Variants in TMTC4 observed in about 807,000 individuals in gnomAD.
TMTC4 encodes protein O-mannosyl-transferase TMTC4.
Under a neutral mutation model 86.0 loss-of-function variants are expected in TMTC4, and 65 were observed. The observed-to-expected ratio is 0.76, with a 90% confidence interval of 0.62 to 0.93. TMTC4 has a LOEUF of 0.93. TMTC4 is among the 40% of genes least tolerant of loss of function. The pLI is 0.00. For missense variants in TMTC4, 866 were observed against 948.1 expected (o/e 0.91, Z 1.14); for synonymous variants, 379 against 382.5 (o/e 0.99, Z 0.11).
intron 1 of TMTC4, chr13:100,674,380 C>T: frequency 1.0e-6 from 1 of 968,046 alleles, no homozygotes; most frequent in Non-Finnish European, 1.2e-6. Flanking sequence ...GGGGACGCGC[C>T]GCAGGCGCCG....
intron 15 of TMTC4, among the ~76,000 whole-genome samples, chr13:100,620,218 C>T (rs1879263574): frequency 6.6e-6 from 1 of 152,192 alleles, no homozygotes; most frequent in Non-Finnish European, 1.5e-5. Context: ...ATTTCCCAGG[C>T]TTCTTCACCC....
chr13:100,655,894 T>C (rs946840), intron 6 of TMTC4, among the ~76,000 whole-genome samples: 108,370 of 152,086 alleles, frequency 0.71, 39,643 homozygotes, highest in East Asian at 0.98. Flanking sequence ...TTAGGGCAGT[T>C]GCAGGTGCTC....
At chr13:100,666,026 T>C (rs1418284443) in intron 3 of TMTC4, 1 of 456,568 alleles carries the variant, frequency 2.2e-6, no homozygotes, top group Non-Finnish European at 4.4e-6. Context: ...CGGCAGAGGA[T>C]CTTTTCCTCC....
chr13:100,665,350 T>C (rs530755245), intron 3 of TMTC4, among the ~76,000 whole-genome samples: 6 of 152,346 alleles, frequency 3.9e-5, no homozygotes, highest in African/African-American at 1.4e-4. Flanking sequence ...AACATGCTGA[T>C]CACTTCCCCG....
At chr13:100,669,915 C>A (rs1311620553) in intron 2 of TMTC4, among the ~76,000 whole-genome samples, 1 of 152,120 alleles carries the variant, frequency 6.6e-6, no homozygotes. Flanking sequence ...GTTTCCTCAA[C>A]ACTAAAATGG....
chr13:100,636,546 G>T lies in TMTC4; in HGVS notation c.1188C>A (p.Asp396Glu). The part of the protein sequence containing the change: ...GLICQALCSE[D>E]GHKRRILTLG... ...CTGCCTCTTACCTTCTCTTGTGGCCGTCTTCAGAGCACAGGGCTTGGCATA... is the reference window on the plus strand; with the variant it reads ...CTGCCTCTTACCTTCTCTTGTGGCCTTCTTCAGAGCACAGGGCTTGGCATA... The change falls in exon 10 of 19, where the codon GAC (aspartate) becomes GAA (glutamate). Residue 396 changes from aspartate to glutamate, a missense_variant. Coordinates refer to ENST00000342624, the MANE Select transcript of TMTC4 (RefSeq NM_032813.5). The T allele has an allele frequency of 6.2e-7, 1 of 1,614,190 alleles. No individual in the cohort carries two copies.
intron 3 of TMTC4, chr13:100,666,099 C>T (rs573371776): frequency 4.4e-6 from 2 of 455,800 alleles, no homozygotes; most frequent in African/African-American, 4.0e-5. Flanking sequence ...GCCTCCACAG[C>T]AGGGTGTGCT....
At chr13:100,674,466 A>C (rs1337434575) in intron 1 of TMTC4, 7 of 910,560 alleles carry the variant, frequency 7.7e-6, no homozygotes, top group South Asian at 5.1e-5. Context: ...GCCCGGGCGG[A>C]GAAGCTCAGG....
At chr13:100,650,677 G>A (rs1026495312) in intron 6 of TMTC4, among the ~76,000 whole-genome samples, 4 of 152,208 alleles carry the variant, frequency 2.6e-5, no homozygotes, top group African/African-American at 9.7e-5. Flanking sequence ...AGGCTTGCTG[G>A]TCTAAAACAC....
At position 100,674,778 on chromosome 13, in the gene TMTC4, C is replaced by A; in HGVS notation, c.-242G>T. 3 of 983,906 alleles carry A rather than the reference C, an allele frequency of 3.0e-6. No homozygotes were observed. Among genetic ancestry groups the A allele is most frequent in the Middle Eastern group, 5.2e-4 (1 of 1,912 alleles). The allele number at this position is 983,906 out of a possible 1,614,324, so 60.9% of individuals were successfully genotyped here. On this transcript the variant is annotated 5_prime_UTR_variant, in exon 1 of 19. Coordinates refer to ENST00000342624, the MANE Select transcript of TMTC4 (RefSeq NM_032813.5). ...GCCTGAGCCCCGGCCGCATCTCCCT[C>A]CCGGGTGCGGAAACTCTGGCGGCTC...
intron 1 of TMTC4, chr13:100,673,265 G>C: frequency 1.0e-6 from 1 of 976,924 alleles, no homozygotes. Context: ...CCCAATGACA[G>C]CTGACACGGC....
chr13:100,631,504 G>A (rs978164170), intron 12 of TMTC4, among the ~76,000 whole-genome samples: 32 of 152,118 alleles, frequency 2.1e-4, no homozygotes, highest in African/African-American at 7.5e-4. Context: ...AGTATACTTG[G>A]TATCTCATCC....
chr13:100,651,914 T>TA (rs1470233224), intron 6 of TMTC4, among the ~76,000 whole-genome samples: 2 of 152,260 alleles, frequency 1.3e-5, no homozygotes, highest in East Asian at 3.9e-4. Context: ...ACCGAAGAGT[T>TA]AGTTTTTATT....
chr13:100,651,654 T>C (rs2138969752), intron 6 of TMTC4, among the ~76,000 whole-genome samples: 1 of 152,176 alleles, frequency 6.6e-6, no homozygotes, highest in East Asian at 1.9e-4. Flanking sequence ...GTCCCATCCA[T>C]AAAAAAAGTT....
intron 2 of TMTC4, among the ~76,000 whole-genome samples, chr13:100,669,920 A>C (rs1351582099): frequency 1.3e-5 from 2 of 152,082 alleles, no homozygotes; most frequent in African/African-American, 4.8e-5. Flanking sequence ...CTCAACACTA[A>C]AATGGGGATG....
At chr13:100,661,270 C>T (rs1031318306) in intron 5 of TMTC4, among the ~76,000 whole-genome samples, 4 of 152,006 alleles carry the variant, frequency 2.6e-5, no homozygotes, top group South Asian at 2.1e-4. Context: ...CTGGAATGTG[C>T]GTGTGTGTGA....
At position 100,663,143 on chromosome 13, in the gene TMTC4, C is replaced by A; in HGVS notation, c.373G>T (p.Gly125Cys). The change falls in exon 5 of 19, where the codon GGC (glycine) becomes TGC (cysteine). Residue 125 changes from glycine (G) to cysteine (C), a missense_variant. Coordinates refer to ENST00000342624, the MANE Select transcript of TMTC4 (RefSeq NM_032813.5). ...AGGAGGATGTTGACCACGTGAAAGC[C>A]CACGGGGTGGAAGCCTCCCGAGAGG... ...YYLSGGFHPV[G>C]FHVVNILLHS... 1 of 1,614,184 alleles carries A rather than the reference C, an allele frequency of 6.2e-7. No homozygotes were observed. Among genetic ancestry groups the A allele is most frequent in the Non-Finnish European group, 8.5e-7 (1 of 1,180,044 alleles).
chr13:100,656,418 C>CAAG lies in TMTC4; in HGVS notation c.600_602dup (p.Phe200dup). The CAAG allele has an allele frequency of 1.9e-6, 3 of 1,612,838 alleles. No individual in the cohort carries two copies. Among genetic ancestry groups the CAAG allele is most frequent in the Non-Finnish European group, 1.7e-6 (2 of 1,179,566 alleles). ...CTTTACAGTAGCCAAGGAAAGATAA[C>CAAG]AAGAAGAACAGGGCACACAGGAGGT... is the stretch of plus-strand genomic sequence containing the variant. On this transcript the variant is annotated inframe_insertion, in exon 6 of 19. Transcript: ENST00000342624.
rs752033526 is a variant in TMTC4 at position 100,636,629 on chromosome 13, T to C, written c.1105A>G (p.Ile369Val). The change falls in exon 10 of 19, where the codon ATC (isoleucine) becomes GTC (valine). Residue 369 changes from isoleucine to valine, a missense_variant. Transcript: ENST00000342624. Reference sequence around the variant, plus strand: ...AGTGCAATTACCCTCCAGTCGCTGATGGACTTAATGAGGGGGATGCAGCCC... The same window carrying C: ...AGTGCAATTACCCTCCAGTCGCTGACGGACTTAATGAGGGGGATGCAGCCC... The part of the protein sequence containing the change: ...SMGCIPLIKS[I>V]SDWRVIALAA... The C allele has an allele frequency of 4.3e-5, 70 of 1,614,076 alleles. No individual in the cohort carries two copies. Among genetic ancestry groups the C allele is most frequent in the Non-Finnish European group, 5.8e-5 (68 of 1,180,040 alleles).
Sources: gnomAD v4.1 joint callset for allele counts (sites outside exome capture counted in the v4.1 genomes callset) on GRCh38, gnomAD v4.1.1 for gene constraint, MANE v1.5 for transcripts, NCBI Gene and HGNC (gene_info 2026-07-23, HGNC 2026-07-21) for gene names.